Variants in ANO6 observed in about 807,000 individuals in gnomAD.
ANO6 encodes anoctamin 6.
ANO6 carries 106 observed loss-of-function variants against 117.5 expected under a neutral mutation model. The ratio of observed to expected loss-of-function variants is 0.90; its 90% CI spans 0.77 to 1.06. The LOEUF is 1.06. Among genes scored for constraint, ANO6 ranks in the 50% least tolerant of loss-of-function variants. The probability of loss-of-function intolerance (pLI) is 0.00; values close to 1 mark genes in which losing one functional copy is unlikely to be tolerated. For synonymous variants in ANO6, 367 were observed against 385.1 expected, an observed-to-expected ratio of 0.95 and a Z score of 0.55; for missense variants, 955 against 1,121.1, an observed-to-expected ratio of 0.85 and a Z score of 2.12.
chr12:45,282,684 A>C (rs923573158), intron 1 of ANO6, among the ~76,000 whole-genome samples: 1 of 152,174 alleles, frequency 6.6e-6, no homozygotes, highest in Non-Finnish European at 1.5e-5. Flanking sequence ...TTATAATGCA[A>C]TAGGTGCAGT....
chr12:45,386,842 A>T (rs1482110114), intron 10 of ANO6, among the ~76,000 whole-genome samples: 2 of 152,158 alleles, frequency 1.3e-5, no homozygotes, highest in Non-Finnish European at 1.5e-5. Context: ...TGTTCCACCC[A>T]CCACCACCTT....
intron 2 of ANO6, among the ~76,000 whole-genome samples, chr12:45,322,078 A>C (rs1190466013): frequency 6.6e-6 from 1 of 152,128 alleles, no homozygotes; most frequent in Non-Finnish European, 1.5e-5. Context: ...ATCATTGCAG[A>C]TGGTAATGCA....
At chr12:45,229,756 C>T (rs893097645) in intron 1 of ANO6, among the ~76,000 whole-genome samples, 16 of 152,088 alleles carry the variant, frequency 1.1e-4, no homozygotes, top group African/African-American at 3.9e-4. Flanking sequence ...TGGCTCTGCA[C>T]AGAGATGGAG....
chr12:45,386,600 C>G (rs1942305809), intron 10 of ANO6, among the ~76,000 whole-genome samples: 1 of 152,226 alleles, frequency 6.6e-6, no homozygotes, highest in South Asian at 2.1e-4. Context: ...TGCCCCTAGT[C>G]TCACTCTAGA....
chr12:45,427,078 C>G (rs778724759), intron 19 of ANO6, among the ~76,000 whole-genome samples: 3 of 152,080 alleles, frequency 2.0e-5, no homozygotes, highest in Non-Finnish European at 4.4e-5. Flanking sequence ...TATGGCAACT[C>G]CATCTCAACA....
intron 2 of ANO6, among the ~76,000 whole-genome samples, chr12:45,328,885 AC>A (rs1210087181): frequency 2.0e-5 from 3 of 152,116 alleles, no homozygotes; most frequent in Non-Finnish European, 4.4e-5. Flanking sequence ...TTTGATACTT[AC>A]TTTTCGTAGT....
At chr12:45,341,509 A>T (rs1263771133) in intron 3 of ANO6, among the ~76,000 whole-genome samples, 1 of 152,344 alleles carries the variant, frequency 6.6e-6, no homozygotes, top group South Asian at 2.1e-4. Context: ...TATGTGCTAT[A>T]CATTCTCATC....
intron 2 of ANO6, among the ~76,000 whole-genome samples, chr12:45,327,095 C>A (rs1215406596): frequency 6.6e-6 from 1 of 151,884 alleles, no homozygotes; most frequent in Non-Finnish European, 1.5e-5. Flanking sequence ...GTAAGAAGAC[C>A]CAAGACAATC....
chr12:45,328,333 AAGTC>A (rs1940542453), intron 2 of ANO6, among the ~76,000 whole-genome samples: 1 of 152,016 alleles, frequency 6.6e-6, no homozygotes, highest in Admixed American at 6.6e-5. Flanking sequence ...CCACCTTCGG[AAGTC>A]AGCCTTCCAT....
At chr12:45,319,041 T>A (rs146280523) in intron 2 of ANO6, among the ~76,000 whole-genome samples, 2 of 152,182 alleles carry the variant, frequency 1.3e-5, no homozygotes, top group Admixed American at 1.3e-4. Flanking sequence ...TTTCTAGATA[T>A]ACAATCATGT....
chr12:45,439,236 GC>G (rs1759630858), intron 19 of ANO6, among the ~76,000 whole-genome samples: 1 of 152,184 alleles, frequency 6.6e-6, no homozygotes, highest in African/African-American at 2.4e-5. Flanking sequence ...AGTTACAGTA[GC>G]CTACTAGAGT....
intron 3 of ANO6, among the ~76,000 whole-genome samples, chr12:45,338,327 G>A (rs1329555955): frequency 6.6e-6 from 1 of 152,052 alleles, no homozygotes; most frequent in African/African-American, 2.4e-5. Flanking sequence ...TCTTCAAATT[G>A]AAGAAATAAA....
intron 2 of ANO6, among the ~76,000 whole-genome samples, chr12:45,317,113 G>GTGTGTGTGTATATACATATATATATA: frequency 3.0e-5 from 2 of 66,448 alleles, no homozygotes; most frequent in Non-Finnish European, 7.4e-5. Context: ...CTTTTTATAT[G>GTGTGTGTGTATATACATATATATATA]TATATATATA....
chr12:45,429,538 T>A lies in ANO6; in HGVS notation c.*227T>A. 4 of 1,330,276 alleles carry A rather than the reference T, an allele frequency of 3.0e-6. No homozygotes were observed. The highest frequency in any genetic ancestry group is 3.8e-6 in the Non-Finnish European group (4 of 1,039,486). The allele number at this position is 1,330,276 out of a possible 1,614,324, so 82.4% of individuals were successfully genotyped here. A position where few individuals can be genotyped will look rare whatever the true frequency, so the allele number is the denominator to read the frequency against. On this transcript the variant is annotated 3_prime_UTR_variant, in exon 20 of 20. Transcript: ENST00000320560. ...CTTATCACCCGGAAAACCTCAATGT[T>A]ACCTTTTTCTGATAAATTGGAATTT...
At chr12:45,261,745 C>T (rs946678313) in intron 1 of ANO6, among the ~76,000 whole-genome samples, 1 of 152,206 alleles carries the variant, frequency 6.6e-6, no homozygotes, top group Non-Finnish European at 1.5e-5. Context: ...AACAACTGTG[C>T]ATTTGATCCA....
intron 19 of ANO6, among the ~76,000 whole-genome samples, chr12:45,424,261 C>T (rs920781414): frequency 1.3e-5 from 2 of 149,762 alleles, no homozygotes; most frequent in East Asian, 3.9e-4. Context: ...CTAGATAATT[C>T]CTTTGCATTG....
rs1010914383 is a variant in ANO6 at position 45,403,615 on chromosome 12, A to G, written c.1880+79A>G. On this transcript the variant is annotated intron_variant, in intron 15 of 19. Coordinates refer to ENST00000320560, the MANE Select transcript of ANO6 (RefSeq NM_001025356.3). ...ATCCACACAAATCATTTGCCTACAT[A>G]GCCACATAGCCACATAGCTGCATGT... 2.2e-5 allele frequency: 18 copies of G among 832,088 alleles called. No homozygotes were observed. The South Asian group carries it at 3.4e-4, about 16-fold the overall frequency. 51.5% of individuals were successfully genotyped at this position (832,088 alleles called of 1,614,324 possible).
At chr12:45,289,537 AGT>A (rs2137273716) in intron 1 of ANO6, among the ~76,000 whole-genome samples, 1 of 152,334 alleles carries the variant, frequency 6.6e-6, no homozygotes, top group Non-Finnish European at 1.5e-5. Context: ...CCACACTGCC[AGT>A]GTGTTTATTC....
intron 1 of ANO6, chr12:45,228,290 CCT>C: frequency 1.2e-5 from 3 of 253,528 alleles, no homozygotes; most frequent in Non-Finnish European, 2.2e-5. Flanking sequence ...ACCAGGCCCT[CCT>C]TTTTTTTTTT....
Sources: allele counts gnomAD v4.1 joint callset (sites outside exome capture counted in the v4.1 genomes callset), GRCh38; gene constraint gnomAD v4.1.1; transcripts MANE v1.5; gene names NCBI Gene and HGNC (gene_info 2026-07-23, HGNC 2026-07-21).